SLC35F3: variants seen among roughly 807,000 people sequenced by gnomAD.
SLC35F3 encodes the protein putative thiamine transporter SLC35F3.
SLC35F3 carries 25 observed loss-of-function variants against 49.9 expected under a neutral mutation model. The observed-to-expected ratio is 0.50, with a 90% CI of 0.37 to 0.70. The LOEUF is 0.70. Among genes scored for constraint, SLC35F3 ranks in the 30% least tolerant of loss-of-function variants. The pLI is 0.00. For missense variants in SLC35F3, 525 were observed against 639.8 expected (o/e 0.82, Z 1.94); for synonymous variants, 275 against 265.4 (o/e 1.04, Z -0.35).
intron 2 of SLC35F3, among the ~76,000 whole-genome samples, chr1:234,078,451 C>T (rs1193720483): frequency 6.6e-6 from 1 of 152,122 alleles, no homozygotes; most frequent in Non-Finnish European, 1.5e-5. Context: ...TAAGTTTAAC[C>T]ATAGGCATTT....
chr1:234,108,731 A>T (rs1665345900), intron 2 of SLC35F3, among the ~76,000 whole-genome samples: 1 of 45,200 alleles, frequency 2.2e-5, no homozygotes, highest in Non-Finnish European at 4.4e-5. Context: ...ATATAAATAT[A>T]TATATCTTTT....
chr1:234,222,043 A>T (rs1667214364), intron 2 of SLC35F3, among the ~76,000 whole-genome samples: 1 of 152,212 alleles, frequency 6.6e-6, no homozygotes, highest in African/African-American at 2.4e-5. Context: ...GTGTGCATGT[A>T]AACAGGTGCT....
At position 234,214,306 on chromosome 1, in the gene SLC35F3, G is replaced by C; in HGVS notation, c.284-17111G>C. 2 of 1,294,724 alleles carry C rather than the reference G, an allele frequency of 1.5e-6. No homozygotes were observed. Among genetic ancestry groups the C allele is most frequent in the Non-Finnish European group, 2.0e-6 (2 of 1,024,896 alleles). 80.2% of individuals were successfully genotyped at this position (1,294,724 alleles called of 1,614,324 possible). The stretch of plus-strand genomic sequence containing the variant: ...CCGGGGAGGATGTGCGCTGCAGGGC[G>C]GCCGCCGCAGTGAGCAACGCGGCAA... On this transcript the variant is annotated intron_variant, in intron 2 of 7. Transcript: ENST00000366618. This position sits in a 1 kb window ranked among gnomAD's most constrained non-coding sequence, Gnocchi z 8.0.
At chr1:233,991,124 C>T (rs1463797422) in intron 2 of SLC35F3, among the ~76,000 whole-genome samples, 1 of 152,156 alleles carries the variant, frequency 6.6e-6, no homozygotes, top group Non-Finnish European at 1.5e-5. Flanking sequence ...GTAACTGTGC[C>T]CTTCTTCCTA....
intron 2 of SLC35F3, among the ~76,000 whole-genome samples, chr1:234,068,867 TATATATTTTAC>T (rs1664662893): frequency 8.9e-6 from 1 of 111,994 alleles, no homozygotes; most frequent in African/African-American, 3.4e-5. Context: ...GGCATATTTA[TATATATTTTAC>T]ATATTTTTTA....
chr1:234,172,383 C>T (rs149374011), intron 2 of SLC35F3, among the ~76,000 whole-genome samples: 1,650 of 152,266 alleles, frequency 0.011, 13 homozygotes, highest in Non-Finnish European at 0.019. Flanking sequence ...CGTGCCACCA[C>T]GCCCAGCTAA....
intron 2 of SLC35F3, among the ~76,000 whole-genome samples, chr1:233,962,504 C>A (rs1322489647): frequency 6.6e-6 from 1 of 152,276 alleles, no homozygotes; most frequent in East Asian, 1.9e-4. Context: ...AAATTAAGTC[C>A]AATGGAATCT....
At chr1:234,184,823 C>T (rs550068798) in intron 2 of SLC35F3, among the ~76,000 whole-genome samples, 26 of 152,290 alleles carry the variant, frequency 1.7e-4, no homozygotes, top group African/African-American at 5.8e-4. Context: ...ATGATAGTCC[C>T]TTGGTACTCA....
chr1:234,266,633 G>A (rs1339509678), intron 3 of SLC35F3, among the ~76,000 whole-genome samples: 1 of 152,196 alleles, frequency 6.6e-6, no homozygotes, highest in Non-Finnish European at 1.5e-5. Flanking sequence ...AGCCTCGACG[G>A]TATAGCCTGC....
intron 3 of SLC35F3, among the ~76,000 whole-genome samples, chr1:234,241,234 T>G (rs1667549427): frequency 6.6e-6 from 1 of 152,100 alleles, no homozygotes; most frequent in Admixed American, 6.5e-5. Context: ...TAACCCACTT[T>G]CCTGCCACAT....
chr1:234,153,920 G>A (rs530268464), intron 2 of SLC35F3, among the ~76,000 whole-genome samples: 4 of 152,192 alleles, frequency 2.6e-5, no homozygotes, highest in East Asian at 1.9e-4. Flanking sequence ...AAAATTAGCC[G>A]GGCATGGCGG....
chr1:233,933,035 T>TAAAAAAAAAAA (rs59669736), intron 2 of SLC35F3, among the ~76,000 whole-genome samples: 7 of 134,926 alleles, frequency 5.2e-5, no homozygotes, highest in Admixed American at 7.3e-5. Context: ...GCTATTTAAG[T>TAAAAAAAAAAA]AAAAAAAAAA....
chr1:234,234,223 G>T (rs1183769926), intron 3 of SLC35F3, among the ~76,000 whole-genome samples: 1 of 152,184 alleles, frequency 6.6e-6, no homozygotes, highest in Non-Finnish European at 1.5e-5. Flanking sequence ...AGGGAGCTGG[G>T]AAGAAAAGGA....
chr1:234,305,260 A>G (rs1558105142), intron 3 of SLC35F3, among the ~76,000 whole-genome samples: 1 of 152,226 alleles, frequency 6.6e-6, no homozygotes, highest in East Asian at 1.9e-4. Flanking sequence ...TACTAAGAAC[A>G]TAAGTATGTA....
At chr1:234,172,964 G>A (rs1042795494) in intron 2 of SLC35F3, among the ~76,000 whole-genome samples, 3 of 152,096 alleles carry the variant, frequency 2.0e-5, no homozygotes, top group African/African-American at 7.2e-5. Context: ...TCCCCCAATG[G>A]TAACATCATC....
intron 2 of SLC35F3, among the ~76,000 whole-genome samples, chr1:234,122,144 C>T: frequency 6.6e-6 from 1 of 152,232 alleles, no homozygotes; most frequent in East Asian, 1.9e-4. Flanking sequence ...AATTGCCACA[C>T]TGTCTTCCAC....
chr1:233,921,653 CT>C (rs963979445), intron 2 of SLC35F3, among the ~76,000 whole-genome samples: 2 of 151,534 alleles, frequency 1.3e-5, no homozygotes, highest in East Asian at 1.9e-4. Context: ...GCAGCTTTTT[CT>C]TTTTTTTTAT....
At chr1:234,081,155 T>C (rs1475850183) in intron 2 of SLC35F3, among the ~76,000 whole-genome samples, 1 of 152,164 alleles carries the variant, frequency 6.6e-6, no homozygotes, top group Non-Finnish European at 1.5e-5. Flanking sequence ...GAATCCTACA[T>C]GAACCCATGC....
chr1:234,167,820 C>G (rs77567278), intron 2 of SLC35F3, among the ~76,000 whole-genome samples: 3,654 of 152,240 alleles, frequency 0.024, 148 homozygotes, highest in African/African-American at 0.082. Context: ...GTGAGGTGCG[C>G]TGAGGCTAAA....
Sources: allele counts gnomAD v4.1 joint callset (sites outside exome capture counted in the v4.1 genomes callset), GRCh38; gene constraint gnomAD v4.1.1; non-coding constraint Gnocchi (gnomAD v3.1); transcripts MANE v1.5; gene names NCBI Gene and HGNC (gene_info 2026-07-23, HGNC 2026-07-21).